Variants in TTK observed in about 807,000 individuals in gnomAD.
TTK encodes the protein dual specificity protein kinase TTK.
Under a neutral mutation model 117.3 loss-of-function variants are expected in TTK, and 59 were observed. The ratio of observed to expected loss-of-function variants is 0.50; its 90% CI spans 0.41 to 0.62. The LOEUF is 0.62. Among genes scored for constraint, TTK ranks in the 20% least tolerant of loss-of-function variants. The pLI, the probability that TTK is intolerant of heterozygous loss-of-function variation, is 0.00. For synonymous variants in TTK, 302 were observed against 325.0 expected, an observed-to-expected ratio of 0.93 and a Z score of 0.76; for missense variants, 921 against 989.4, an observed-to-expected ratio of 0.93 and a Z score of 0.93.
At chr6:80,015,533 A>G (rs1198393077) in intron 10 of TTK, among the ~76,000 whole-genome samples, 1 of 152,164 alleles carries the variant, frequency 6.6e-6, no homozygotes, top group African/African-American at 2.4e-5. Flanking sequence ...AAAGTCCAAT[A>G]TCCCAAGAAT....
At chr6:80,026,331 G>A (rs1217433975) in intron 11 of TTK, 47 bp from the exon 12 acceptor site, 6 of 1,570,218 alleles carry the variant, frequency 3.8e-6, no homozygotes, top group Non-Finnish European at 5.2e-6. Context: ...TAGTGAACAG[G>A]CAACTAATTT....
Position 80,006,486 on chromosome 6 carries a change from T to G in TTK, c.139+504T>G, listed in dbSNP as rs560975185. On this transcript the variant is annotated intron_variant, in intron 2 of 21. Coordinates refer to ENST00000369798, the MANE Select transcript of TTK (RefSeq NM_003318.5). Reference sequence around the variant, plus strand: ...AATCTTAATGGAGTATAATTGTGCTTAATTATGTCACTAACAAAGGTTGTA... The same window carrying G: ...AATCTTAATGGAGTATAATTGTGCTGAATTATGTCACTAACAAAGGTTGTA... 6.6e-5 allele frequency among the ~76,000 whole-genome samples: 10 copies of G among 152,306 alleles called. No homozygotes were observed. The South Asian group carries it at 1.9e-3, about 28-fold the overall frequency.
intron 1 of TTK, chr6:80,005,010 C>T (rs1464046556): frequency 6.6e-6 from 1 of 152,232 alleles, no homozygotes; most frequent in Non-Finnish European, 1.5e-5. Context: ...AGGACAGTCT[C>T]TCTTGTTTTG....
intron 5 of TTK, 80 bp downstream of exon 5, chr6:80,011,037 A>G: frequency 7.1e-7 from 1 of 1,415,708 alleles, no homozygotes; most frequent in Non-Finnish European, 9.4e-7. Flanking sequence ...TTATAGAAAA[A>G]TATTATTTAT....
rs748696808 is a variant in TTK at position 80,026,495 on chromosome 6, T to C, written c.1375T>C (p.Leu459=). The C allele has an allele frequency of 1.1e-5, 17 of 1,613,630 alleles. No homozygotes were observed. In the East Asian group the frequency reaches 2.5e-4, roughly 23 times the overall value. ...SICKTPSSNT[L]DDYMSCFRTP... The stretch of plus-strand genomic sequence containing the variant: ...TTGTAAGACACCAAGCAGCAATACC[T>C]TGGATGATTACATGAGCTGGTAATT... Residue 459 remains leucine, a synonymous_variant, in exon 12 of 22, where the codon TTG becomes CTG. Transcript: ENST00000369798.
rs746504223 is a variant in TTK, at chr6:80,040,606, T to A, written c.2393T>A (p.Val798Asp). 2 of 1,610,932 alleles carry A rather than the reference T, an allele frequency of 1.2e-6. No homozygotes were observed. The highest frequency in any genetic ancestry group is 2.2e-5 in the East Asian group (1 of 44,728). Residue 798 changes from valine (V) to aspartate (D), a missense_variant and splice_region_variant, in exon 21 of 22, where the codon GTT becomes GAT. By Grantham distance (152) the Val-to-Asp change is radical. Transcript: ENST00000369798. ...HPYVQIQTHP[V>D]NQMAKGTTEE... The stretch of plus-strand genomic sequence containing the variant: ...AGTGTATTATTGATTTATTTTATAG[T>A]TAACCAAATGGCCAAGGGAACCACT...
At chr6:80,012,802 A>G (rs1183995123) in intron 8 of TTK, among the ~76,000 whole-genome samples, 1 of 152,086 alleles carries the variant, frequency 6.6e-6, no homozygotes, top group Admixed American at 6.6e-5. Context: ...TCTATTTCAA[A>G]TACCTAGCTC....
chr6:80,010,561 C>G (rs1401012520), intron 4 of TTK, among the ~76,000 whole-genome samples: 2 of 151,070 alleles, frequency 1.3e-5, no homozygotes, highest in Non-Finnish European at 3.0e-5. Context: ...TAAACTAATG[C>G]AAAATTACGT....
chr6:80,007,990 G>GCCCC lies in TTK; in HGVS notation c.321_322insCCCC (p.Ser108ProfsTer5). 6.2e-7 allele frequency: 1 copy of GCCCC among 1,610,376 alleles called. No homozygotes were observed. Among genetic ancestry groups the GCCCC allele is most frequent in the Non-Finnish European group, 8.5e-7 (1 of 1,176,848 alleles). On this transcript the variant is annotated frameshift_variant, in exon 3 of 22. Coordinates refer to ENST00000369798, the MANE Select transcript of TTK (RefSeq NM_003318.5). LOFTEE classifies it high-confidence loss of function. The stretch of plus-strand genomic sequence containing the variant: ...CCCCAGATAAATATGGCCAAAATGA[G>GCCCC]AGTTTTGCTAGAATTCAAGTGAGAT...
chr6:80,012,772 A>G (rs1374858543), intron 8 of TTK, among the ~76,000 whole-genome samples: 1 of 152,132 alleles, frequency 6.6e-6, no homozygotes, highest in Non-Finnish European at 1.5e-5. Flanking sequence ...TCTTATCACT[A>G]TGATTTCATC....
chr6:80,006,126 G>T (rs1174337569), intron 2 of TTK, 144 bp downstream of exon 2: 4 of 1,087,446 alleles, frequency 3.7e-6, no homozygotes, highest in Non-Finnish European at 5.4e-6. Context: ...CATGATGGCA[G>T]GGTTTTTGTC....
chr6:80,029,519 T>C (rs953062356), intron 13 of TTK, among the ~76,000 whole-genome samples: 2 of 152,350 alleles, frequency 1.3e-5, no homozygotes, highest in African/African-American at 4.8e-5. Flanking sequence ...TGTCAGGCCC[T>C]GTTTGAGTTG....
chr6:80,014,695 G>C, intron 10 of TTK, 109 bp downstream of exon 10: 1 of 1,167,254 alleles, frequency 8.6e-7, no homozygotes. Context: ...CTGTGTCTAT[G>C]TTCTTTTATC....
chr6:80,017,440 G>A (rs921823594), intron 10 of TTK, among the ~76,000 whole-genome samples: 1 of 152,036 alleles, frequency 6.6e-6, no homozygotes, highest in African/African-American at 2.4e-5. Context: ...CACCATGCCC[G>A]GCTAATTTTT....
At chr6:80,009,512 G>C (rs1005851420) in intron 4 of TTK, among the ~76,000 whole-genome samples, 7 of 151,908 alleles carry the variant, frequency 4.6e-5, no homozygotes, top group Admixed American at 2.0e-4. Context: ...ATTTGGCAAG[G>C]CTTCTTTCTC....
intron 13 of TTK, among the ~76,000 whole-genome samples, chr6:80,031,109 A>G (rs1767748695): frequency 6.6e-6 from 1 of 151,514 alleles, no homozygotes; most frequent in South Asian, 2.1e-4. Context: ...ATATGTAAGT[A>G]AAGAGGTATA....
chr6:80,039,813 C>G lies in TTK; in HGVS notation c.2248C>G (p.Pro750Ala), dbSNP rs1184015262. ...TTCTAAATTACATGCCATAATTGAT[C>G]CTAATCATGAAATTGAATTTCCCGA... is the stretch of plus-strand genomic sequence containing the variant. Reference protein sequence around the residue: ...QISKLHAIIDPNHEIEFPDIP... With the variant: ...QISKLHAIIDANHEIEFPDIP... Residue 750 changes from proline (P) to alanine (A), a missense_variant, in exon 19 of 22, where the codon CCT (proline) becomes GCT (alanine). Pro to Ala is a conservative substitution (Grantham distance 27). Transcript: ENST00000369798. 52 of 1,585,282 alleles carry G rather than the reference C, an allele frequency of 3.3e-5. No individual in the cohort carries two copies. Among genetic ancestry groups the G allele is most frequent in the Non-Finnish European group, 4.5e-5 (52 of 1,167,442 alleles).
In TTK at chr6:80,005,694, A is replaced by G. The variant is rs1766972545; in HGVS notation, c.-2-148A>G. On this transcript the variant is annotated intron_variant, in intron 1 of 21. Coordinates refer to ENST00000369798, the MANE Select transcript of TTK (RefSeq NM_003318.5). ...ATGTGTACCTTGTTGTTGTGCACTT[A>G]CCTCCATTAATACTAGCCTAATAAT... The G allele has an allele frequency of 8.3e-5, 64 of 770,626 alleles. 1 individual carries two copies. In the South Asian group the frequency reaches 1.1e-3, roughly 14 times the overall value. 47.7% of individuals were successfully genotyped at this position (770,626 alleles called of 1,614,324 possible).
intron 3 of TTK, 31 bp from the exon 4 acceptor site, chr6:80,008,355 C>G (rs771780497): frequency 6.3e-7 from 1 of 1,587,538 alleles, no homozygotes; most frequent in Non-Finnish European, 8.6e-7. Context: ...TGTTCTTTTT[C>G]TTAAATTTTG....
Sources: allele counts gnomAD v4.1 joint callset (sites outside exome capture counted in the v4.1 genomes callset), GRCh38; gene constraint gnomAD v4.1.1; transcripts MANE v1.5; gene names NCBI Gene and HGNC (gene_info 2026-07-23, HGNC 2026-07-21).